The following LRMDA variants were observed in gnomAD, a reference collection of about 807,000 sequenced individuals.
LRMDA encodes leucine rich melanocyte differentiation associated.
LRMDA carries 18 observed loss-of-function variants against 29.8 expected under a neutral mutation model. The ratio of observed to expected loss-of-function variants is 0.60; its 90% confidence interval spans 0.42 to 0.90. The LOEUF (loss-of-function observed/expected upper bound fraction) is 0.90. LRMDA is among the 40% of genes least tolerant of loss of function. LRMDA has a pLI of 0.00. For synonymous variants in LRMDA, 125 were observed against 109.4 expected (o/e 1.14, Z -0.89); for missense variants, 273 against 273.9 (o/e 1.00, Z 0.02).
chr10:75,515,131 C>T lies in LRMDA; in HGVS notation c.131+76637C>T, dbSNP rs74652604. ...GTTAAGTGAAAGAAGCCAGATGGCACGTATTTTATGATTCCATTTATAGGA... is the reference window on the plus strand; with the variant it reads ...GTTAAGTGAAAGAAGCCAGATGGCATGTATTTTATGATTCCATTTATAGGA... On this transcript the variant is annotated intron_variant, in intron 2 of 6. Transcript: ENST00000611255. 3.2e-3 allele frequency among the ~76,000 whole-genome samples: 488 copies of T among 152,106 alleles called. 4 individuals carry two copies. Among genetic ancestry groups the T allele is most frequent in the African/African-American group, 0.01 (421 of 41,478 alleles).
intron 2 of LRMDA, among the ~76,000 whole-genome samples, chr10:75,447,092 T>A (rs1844404647): frequency 6.6e-6 from 1 of 152,230 alleles, no homozygotes; most frequent in African/African-American, 2.4e-5. Context: ...AAATTGTTAG[T>A]GAATTTTCAA....
chr10:76,164,370 C>T (rs974153300), intron 5 of LRMDA, among the ~76,000 whole-genome samples: 7 of 152,150 alleles, frequency 4.6e-5, no homozygotes, highest in African/African-American at 1.4e-4. Flanking sequence ...TTTTACTACC[C>T]AATGAGTAGT....
At chr10:75,652,747 A>G (rs375885572) in intron 2 of LRMDA, among the ~76,000 whole-genome samples, 30 of 152,260 alleles carry the variant, frequency 2.0e-4, no homozygotes, top group East Asian at 5.8e-4. Flanking sequence ...TGTTTCTTCT[A>G]TCTGTCCAGG....
intron 4 of LRMDA, among the ~76,000 whole-genome samples, chr10:76,047,853 C>T (rs1405878520): frequency 6.6e-6 from 1 of 152,202 alleles, no homozygotes; most frequent in East Asian, 1.9e-4. Context: ...CATACCTCTC[C>T]ACCATAGAGC....
At chr10:76,430,942 T>C (rs1370562849) in intron 6 of LRMDA, among the ~76,000 whole-genome samples, 1 of 152,188 alleles carries the variant, frequency 6.6e-6, no homozygotes, top group African/African-American at 2.4e-5. Flanking sequence ...ATCTGGATAG[T>C]TTTTTCCTAA....
At chr10:75,520,635 T>C (rs1464631086) in intron 2 of LRMDA, among the ~76,000 whole-genome samples, 1 of 152,200 alleles carries the variant, frequency 6.6e-6, no homozygotes, top group Non-Finnish European at 1.5e-5. Flanking sequence ...CATCTTCCTT[T>C]AGCTCAGAGA....
chr10:76,434,659 T>A (rs1007542945), intron 6 of LRMDA, among the ~76,000 whole-genome samples: 3 of 152,224 alleles, frequency 2.0e-5, no homozygotes, highest in Non-Finnish European at 4.4e-5. Context: ...ACTGAGCATT[T>A]ACCATTGGCC....
chr10:76,177,422 AC>A (rs1850960592), intron 5 of LRMDA, among the ~76,000 whole-genome samples: 1 of 152,054 alleles, frequency 6.6e-6, no homozygotes, highest in Non-Finnish European at 1.5e-5. Context: ...CAACAAAAAA[AC>A]CTCTTCATTA....
intron 2 of LRMDA, among the ~76,000 whole-genome samples, chr10:75,483,738 A>G (rs759617490): frequency 6.6e-6 from 1 of 152,152 alleles, no homozygotes; most frequent in Non-Finnish European, 1.5e-5. Context: ...CTTCTCTAAA[A>G]GTTTTTCAAT....
At chr10:76,016,658 T>A (rs950641811) in intron 2 of LRMDA, among the ~76,000 whole-genome samples, 5 of 152,218 alleles carry the variant, frequency 3.3e-5, no homozygotes, top group African/African-American at 7.2e-5. Flanking sequence ...GGTTCATGAC[T>A]GTGTTTCAGA....
chr10:75,933,633 A>G (rs1455364748), intron 2 of LRMDA, among the ~76,000 whole-genome samples: 1 of 152,144 alleles, frequency 6.6e-6, no homozygotes, highest in Non-Finnish European at 1.5e-5. Flanking sequence ...AGAATGTCGT[A>G]TCTAGTACTC....
chr10:75,750,248 G>A (rs1406489008), intron 2 of LRMDA, among the ~76,000 whole-genome samples: 1 of 151,068 alleles, frequency 6.6e-6, no homozygotes. Context: ...CGGCTGCCGG[G>A]CGGGGGCTGC....
At chr10:75,928,167 G>C (rs916305624) in intron 2 of LRMDA, among the ~76,000 whole-genome samples, 1 of 152,234 alleles carries the variant, frequency 6.6e-6, no homozygotes, top group Admixed American at 6.5e-5. Flanking sequence ...CTCTTGGGGT[G>C]GGGGGTGAAT....
intron 5 of LRMDA, among the ~76,000 whole-genome samples, chr10:76,111,985 A>T (rs938332963): frequency 6.6e-6 from 1 of 152,246 alleles, no homozygotes; most frequent in Non-Finnish European, 1.5e-5. Flanking sequence ...GTATGGCTAC[A>T]TTTGAAAATC....
At chr10:76,233,624 C>G (rs988214211) in intron 5 of LRMDA, among the ~76,000 whole-genome samples, 14 of 152,186 alleles carry the variant, frequency 9.2e-5, no homozygotes, top group Admixed American at 5.9e-4. Context: ...GCTTTATCAT[C>G]TAAGTTTAGT....
At position 75,672,517 on chromosome 10, in the gene LRMDA, TTTCTTTTCCTC is replaced by T. The variant is rs1266441493; in HGVS notation, c.131+234024_131+234034del. Among the ~76,000 whole-genome samples the T allele has an allele frequency of 5.2e-3, 190 of 36,688 alleles. 23 individuals are homozygous for T. The highest frequency in any genetic ancestry group is 0.032 in the East Asian group (20 of 628). The allele number at this position is 36,688 out of a possible 152,430, so 24.1% of individuals were successfully genotyped here. A position where few individuals can be genotyped will look rare whatever the true frequency, so the allele number is the denominator to read the frequency against. On this transcript the variant is annotated intron_variant, in intron 2 of 6. Transcript: ENST00000611255. ...CTAAGACACTTCCTTGTATTTTTCTTTTCTTTTCCTCCCCTCCCCTCCCCTCCCCTCCCCTC... is the reference window on the plus strand; with the variant it reads ...CTAAGACACTTCCTTGTATTTTTCTTCCCTCCCCTCCCCTCCCCTCCCCTC...
At chr10:76,143,732 A>G (rs1039868179) in intron 5 of LRMDA, among the ~76,000 whole-genome samples, 66 of 152,116 alleles carry the variant, frequency 4.3e-4, no homozygotes, top group African/African-American at 1.6e-3. Flanking sequence ...TTTTGTTGCC[A>G]TTGCTTTTGG....
chr10:76,229,303 C>T (rs75713528), intron 5 of LRMDA, among the ~76,000 whole-genome samples: 1,559 of 152,220 alleles, frequency 0.01, 26 homozygotes, highest in African/African-American at 0.032. Context: ...CCGTGAGATT[C>T]GAAGCTTATA....
intron 6 of LRMDA, among the ~76,000 whole-genome samples, chr10:76,379,588 G>A (rs564124390): frequency 6.6e-6 from 1 of 152,060 alleles, no homozygotes; most frequent in African/African-American, 2.4e-5. Context: ...TTCTGATTGT[G>A]CTTATTTGAC....
Sources: gnomAD v4.1 joint callset for allele counts (sites outside exome capture counted in the v4.1 genomes callset) on GRCh38, gnomAD v4.1.1 for gene constraint, MANE v1.5 for transcripts, NCBI Gene and HGNC (gene_info 2026-07-23, HGNC 2026-07-21) for gene names.